The following MNAT1 variants were observed in gnomAD, a reference collection of about 807,000 sequenced individuals.
MNAT1 encodes the protein CDK-activating kinase assembly factor MAT1.
Under a neutral mutation model 42.0 loss-of-function variants are expected in MNAT1, and 43 were observed. That is an observed-to-expected ratio of 1.02 (90% CI 0.80 to 1.32). The LOEUF (loss-of-function observed/expected upper bound fraction) is 1.32, where lower values mean the gene tolerates loss of function less well. Among genes scored for constraint, MNAT1 ranks in the 40% most tolerant of loss-of-function variants. The probability of loss-of-function intolerance (pLI) is 0.00; values close to 1 mark genes in which losing one functional copy is unlikely to be tolerated. For missense variants in MNAT1, 306 were observed against 350.4 expected (o/e 0.87, Z 1.01); for synonymous variants, 118 against 120.0 (o/e 0.98, Z 0.11).
chr14:60,748,533 A>G (rs2029931429), intron 1 of MNAT1, among the ~76,000 whole-genome samples: 1 of 152,110 alleles, frequency 6.6e-6, no homozygotes, highest in Non-Finnish European at 1.5e-5. Context: ...ACGTGGCCCT[A>G]TTTTTGTTTT....
intron 1 of MNAT1, among the ~76,000 whole-genome samples, chr14:60,776,745 G>A (rs1418038742): frequency 1.3e-5 from 2 of 152,208 alleles, no homozygotes; most frequent in Non-Finnish European, 2.9e-5. Context: ...GGGAGGACAT[G>A]AGAATACAGT....
intron 1 of MNAT1, among the ~76,000 whole-genome samples, chr14:60,790,388 T>G (rs2031780663): frequency 6.6e-6 from 1 of 152,110 alleles, no homozygotes. Context: ...CTATTGTTTA[T>G]GTAAAAATGC....
intron 6 of MNAT1, among the ~76,000 whole-genome samples, chr14:60,864,594 T>G (rs2034164461): frequency 6.6e-6 from 1 of 152,024 alleles, no homozygotes; most frequent in African/African-American, 2.4e-5. Context: ...CAGTAAATAT[T>G]TCTGTATCAT....
At chr14:60,774,251 T>G (rs1566760288) in intron 1 of MNAT1, among the ~76,000 whole-genome samples, 1 of 152,076 alleles carries the variant, frequency 6.6e-6, no homozygotes, top group Non-Finnish European at 1.5e-5. Context: ...ACTTGAGTGA[T>G]GAGAGGAGGC....
At chr14:60,935,813 C>T (rs778373618) in intron 7 of MNAT1, among the ~76,000 whole-genome samples, 50 of 152,134 alleles carry the variant, frequency 3.3e-4, no homozygotes, top group Non-Finnish European at 5.7e-4. Context: ...TTTGAAATTC[C>T]CTGTAGATAA....
chr14:60,857,053 C>T (rs146784905), intron 6 of MNAT1, among the ~76,000 whole-genome samples: 1,979 of 152,200 alleles, frequency 0.013, 44 homozygotes, highest in African/African-American at 0.045. Context: ...CTAAAATGGG[C>T]GCAACCAAGT....
At chr14:60,814,740 C>T (rs935959381) in intron 5 of MNAT1, among the ~76,000 whole-genome samples, 1 of 152,120 alleles carries the variant, frequency 6.6e-6, no homozygotes, top group Non-Finnish European at 1.5e-5. Flanking sequence ...TCATAAAACT[C>T]TATTTTCTAT....
chr14:60,823,288 G>C (rs1429724714), intron 6 of MNAT1, among the ~76,000 whole-genome samples: 1 of 152,142 alleles, frequency 6.6e-6, no homozygotes, highest in Non-Finnish European at 1.5e-5. Flanking sequence ...GTTAGCAGCA[G>C]TGCTCTCTGT....
intron 7 of MNAT1, among the ~76,000 whole-genome samples, chr14:60,890,383 CTCTG>C (rs1437658453): frequency 6.6e-6 from 1 of 152,154 alleles, no homozygotes; most frequent in African/African-American, 2.4e-5. Flanking sequence ...TTCTTGTAGT[CTCTG>C]TCTGGCTTTT....
chr14:60,767,717 C>T (rs2030886922), intron 1 of MNAT1, among the ~76,000 whole-genome samples: 3 of 152,134 alleles, frequency 2.0e-5, no homozygotes, highest in Non-Finnish European at 4.4e-5. Flanking sequence ...TCTTCTGCCT[C>T]AGCCTCCTGA....
At chr14:60,816,232 T>TTTAA (rs2032710890) in intron 5 of MNAT1, among the ~76,000 whole-genome samples, 2 of 152,112 alleles carry the variant, frequency 1.3e-5, no homozygotes, top group Non-Finnish European at 2.9e-5. Context: ...TGACGGGATT[T>TTTAA]TAATGTTATG....
chr14:60,852,424 C>T (rs2033848357), intron 6 of MNAT1, among the ~76,000 whole-genome samples: 1 of 151,590 alleles, frequency 6.6e-6, no homozygotes, highest in South Asian at 2.1e-4. Flanking sequence ...TGTTTAAGTT[C>T]CTTATAGATT....
chr14:60,768,983 A>T (rs1364551575), intron 1 of MNAT1, among the ~76,000 whole-genome samples: 6 of 152,218 alleles, frequency 3.9e-5, no homozygotes, highest in African/African-American at 1.4e-4. Flanking sequence ...TTTTGCATAC[A>T]AAAAGTGTAT....
intron 6 of MNAT1, among the ~76,000 whole-genome samples, chr14:60,854,557 T>G (rs2033907038): frequency 6.6e-6 from 1 of 152,200 alleles, no homozygotes; most frequent in African/African-American, 2.4e-5. Flanking sequence ...AGTCAGTCCC[T>G]TCTTCGGCAG....
intron 7 of MNAT1, among the ~76,000 whole-genome samples, chr14:60,910,044 C>G (rs2035311851): frequency 6.6e-6 from 1 of 152,124 alleles, no homozygotes; most frequent in Non-Finnish European, 1.5e-5. Flanking sequence ...CTTCACATCC[C>G]TTGTAAGTTG....
At chr14:60,779,952 G>A in intron 1 of MNAT1, 1 of 1,482,760 alleles carries the variant, frequency 6.7e-7, no homozygotes, top group Non-Finnish European at 9.4e-7. Context: ...GCCTTTGTTT[G>A]TGTCCCTGGC....
intron 7 of MNAT1, among the ~76,000 whole-genome samples, chr14:60,948,371 A>G (rs1299671870): frequency 6.6e-6 from 1 of 152,106 alleles, no homozygotes; most frequent in East Asian, 1.9e-4. Flanking sequence ...GTTCAAGGCT[A>G]TGATTGTGGC....
Position 60,889,510 on chromosome 14 carries a change from C to T in MNAT1, c.809+9675C>T, listed in dbSNP as rs567497617. Among the ~76,000 whole-genome samples, 4 of 152,206 alleles carry T rather than the reference C, an allele frequency of 2.6e-5. No individual in the cohort carries two copies. In the South Asian group the frequency reaches 8.3e-4, roughly 32 times the overall value. On this transcript the variant is annotated intron_variant, in intron 7 of 7. Transcript: ENST00000261245. ...AACCATAAAAACCCTAGAAGAAAAC[C>T]TAGGCAATACCATTGAGGACATAGG... is the stretch of plus-strand genomic sequence containing the variant.
At chr14:60,944,246 TATCAGAGATCGTA>T (rs1405496979) in intron 7 of MNAT1, among the ~76,000 whole-genome samples, 1 of 152,180 alleles carries the variant, frequency 6.6e-6, no homozygotes, top group African/African-American at 2.4e-5. Context: ...TGCCCTTCCT[TATCAGAGATCGTA>T]AGTTTCTATA....
Sources: allele counts gnomAD v4.1 joint callset (sites outside exome capture counted in the v4.1 genomes callset), GRCh38; gene constraint gnomAD v4.1.1; transcripts MANE v1.5; gene names NCBI Gene and HGNC (gene_info 2026-07-23, HGNC 2026-07-21).